TERF1: variants seen among roughly 807,000 people sequenced by gnomAD.
TERF1 encodes telomeric repeat binding factor 1, also known as telomeric repeat-binding factor 1.
TERF1 carries 20 observed loss-of-function variants against 55.1 expected under a neutral mutation model. The observed-to-expected ratio is 0.36, with a 90% CI of 0.26 to 0.53. The LOEUF (loss-of-function observed/expected upper bound fraction) is 0.53. TERF1 is among the 20% of genes least tolerant of loss of function. TERF1 has a pLI of 0.91. For synonymous variants in TERF1, 168 were observed against 181.2 expected, an observed-to-expected ratio of 0.93 and a Z score of 0.59; for missense variants, 439 against 535.7, an observed-to-expected ratio of 0.82 and a Z score of 1.78.
At chr8:73,016,249 C>T (rs1273095318) in intron 2 of TERF1, among the ~76,000 whole-genome samples, 2 of 152,078 alleles carry the variant, frequency 1.3e-5, no homozygotes, top group African/African-American at 4.8e-5. Context: ...TCATGTATGG[C>T]TAGTAGCTGT....
chr8:73,024,412 C>T (rs1299915803), intron 4 of TERF1, among the ~76,000 whole-genome samples: 1 of 152,110 alleles, frequency 6.6e-6, no homozygotes, highest in African/African-American at 2.4e-5. Flanking sequence ...TTTGTGGATA[C>T]ATACATATGT....
chr8:73,019,596 A>G (rs1808665147), intron 2 of TERF1, among the ~76,000 whole-genome samples: 1 of 152,206 alleles, frequency 6.6e-6, no homozygotes, highest in African/African-American at 2.4e-5. Context: ...CTGTGGTGTC[A>G]TCATCGCTCA....
chr8:73,034,898 A>T (rs761214718), intron 8 of TERF1, among the ~76,000 whole-genome samples: 21 of 152,282 alleles, frequency 1.4e-4, no homozygotes, highest in Admixed American at 2.6e-4. Context: ...TTGAAATCAG[A>T]CAGTCTGACT....
intron 9 of TERF1, among the ~76,000 whole-genome samples, chr8:73,042,053 G>A (rs1979466): frequency 0.049 from 7,523 of 152,142 alleles, 488 homozygotes; most frequent in African/African-American, 0.15. Context: ...GTTCTTTGAT[G>A]TATCTAAGAA....
chr8:73,014,417 A>G (rs1346548229), intron 2 of TERF1, among the ~76,000 whole-genome samples: 1 of 122,264 alleles, frequency 8.2e-6, no homozygotes, highest in Non-Finnish European at 1.9e-5. Context: ...GGTGACTCCA[A>G]TCATACACAC....
At chr8:73,027,151 C>A in intron 6 of TERF1, 99 bp downstream of exon 6, 1 of 830,968 alleles carries the variant, frequency 1.2e-6, no homozygotes, top group Non-Finnish European at 1.8e-6. Flanking sequence ...TATTGAGTAG[C>A]ATGTTATCTT....
chr8:73,044,883 A>C (rs910001982), intron 9 of TERF1, among the ~76,000 whole-genome samples: 2 of 152,142 alleles, frequency 1.3e-5, no homozygotes, highest in African/African-American at 4.8e-5. Context: ...GCTGAATTAT[A>C]TAAGTATAAT....
At chr8:73,037,696 GTATAATAT>G (rs1483704017) in intron 8 of TERF1, among the ~76,000 whole-genome samples, 1,066 of 41,342 alleles carry the variant, frequency 0.026, 60 homozygotes, top group African/African-American at 0.09. Context: ...ATATTATATA[GTATAATAT>G]TATATTATAT....
intron 3 of TERF1, 40 bp downstream of exon 3, chr8:73,020,845 A>G: frequency 8.7e-7 from 1 of 1,151,130 alleles, no homozygotes; most frequent in South Asian, 1.5e-5. Flanking sequence ...TATTTCTAGA[A>G]AATAACATTT....
chr8:73,037,662 ATAATATTATAT>A (rs1200485807), intron 8 of TERF1, among the ~76,000 whole-genome samples: 23 of 48,614 alleles, frequency 4.7e-4, no homozygotes, highest in African/African-American at 1.4e-3. Context: ...TATATGTATA[ATAATATTATAT>A]TATATATAAT....
At position 73,028,021 on chromosome 8, in the gene TERF1, C is replaced by T. The variant is rs371400599; in HGVS notation, c.887+969C>T. ...TTATTTCACATTGATGTACTTTTTT[C>T]TAAACTCCAATTTAAGAAGTAGAGA... is the stretch of plus-strand genomic sequence containing the variant. On this transcript the variant is annotated intron_variant, in intron 6 of 9. Transcript: ENST00000276603. Among the ~76,000 whole-genome samples, 14 of 152,228 alleles carry T rather than the reference C, an allele frequency of 9.2e-5. No individual in the cohort carries two copies. The East Asian group carries it at 2.5e-3, about 27-fold the overall frequency.
intron 8 of TERF1, among the ~76,000 whole-genome samples, chr8:73,037,839 T>TAA (rs1809653233): frequency 2.0e-5 from 2 of 101,240 alleles, no homozygotes; most frequent in East Asian, 4.9e-4. Context: ...TATAATAATA[T>TAA]ATATAATATA....
intron 9 of TERF1, among the ~76,000 whole-genome samples, chr8:73,042,530 T>TTAAAGATATTTCTTCCTTCCTCA (rs1172231278): frequency 2.0e-5 from 3 of 152,174 alleles, no homozygotes; most frequent in Non-Finnish European, 4.4e-5. Context: ...CATTGGTCTG[T>TTAAAGATATTTCTTCCTTCCTCA]TAAAGATATT....
At chr8:73,019,942 T>G (rs2129763366) in intron 2 of TERF1, among the ~76,000 whole-genome samples, 1 of 152,294 alleles carries the variant, frequency 6.6e-6, no homozygotes, top group South Asian at 2.1e-4. Context: ...CTATATTGTT[T>G]ACTACTCTGA....
rs185645730 is a variant in TERF1 at position 73,026,438 on chromosome 8, T to A, written c.775-502T>A. Among the ~76,000 whole-genome samples the A allele has an allele frequency of 4.0e-3, 616 of 152,112 alleles. 3 individuals carry two copies. Among genetic ancestry groups the A allele is most frequent in the Non-Finnish European group, 6.4e-3 (435 of 67,990 alleles). Reference sequence around the variant, plus strand: ...TCACCTGAGCCCAGGAGGTTGAGGCTGCAGTGAGCTGTGATTGTGCCACTG... The same window carrying A: ...TCACCTGAGCCCAGGAGGTTGAGGCAGCAGTGAGCTGTGATTGTGCCACTG... On this transcript the variant is annotated intron_variant, in intron 5 of 9. Coordinates refer to ENST00000276603, the MANE Select transcript of TERF1 (RefSeq NM_017489.3).
intron 4 of TERF1, among the ~76,000 whole-genome samples, chr8:73,023,747 A>G (rs889331576): frequency 6.6e-6 from 1 of 152,204 alleles, no homozygotes. Context: ...ACTATATTGA[A>G]ATACCACTTT....
chr8:73,041,354 A>G (rs1392122711), intron 9 of TERF1, among the ~76,000 whole-genome samples: 1 of 152,120 alleles, frequency 6.6e-6, no homozygotes, highest in African/African-American at 2.4e-5. Context: ...GCTTTTTAAT[A>G]AGAATCTGAG....
intron 8 of TERF1, among the ~76,000 whole-genome samples, chr8:73,037,041 G>A (rs1272914599): frequency 4.5e-5 from 6 of 133,046 alleles, no homozygotes; most frequent in East Asian, 2.1e-4. Context: ...AATATATAAT[G>A]TACATAATAT....
At chr8:73,018,452 G>T (rs1032401195) in intron 2 of TERF1, among the ~76,000 whole-genome samples, 1 of 152,146 alleles carries the variant, frequency 6.6e-6, no homozygotes, top group African/African-American at 2.4e-5. Context: ...GAGGCGGGTG[G>T]ATCACCTGAG....
Sources: allele counts gnomAD v4.1 joint callset (sites outside exome capture counted in the v4.1 genomes callset), GRCh38; gene constraint gnomAD v4.1.1; transcripts MANE v1.5; gene names NCBI Gene and HGNC (gene_info 2026-07-23, HGNC 2026-07-21).